The following GLIS3 variants were observed in gnomAD, a reference collection of about 807,000 sequenced individuals.
The protein encoded by GLIS3 is GLIS family zinc finger 3.
Under a neutral mutation model 78.6 loss-of-function variants are expected in GLIS3, and 53 were observed. The observed-to-expected ratio is 0.67, with a 90% CI of 0.54 to 0.85. The LOEUF (loss-of-function observed/expected upper bound fraction) is 0.85. GLIS3 is among the 40% of genes least tolerant of loss of function. GLIS3 has a pLI of 0.00. For synonymous variants in GLIS3, 684 were observed against 509.9 expected (o/e 1.34, Z -4.60); for missense variants, 1,703 against 1,231.1 (o/e 1.38, Z -5.74).
At chr9:4,356,860 T>C in the GLIS3 span, among the ~76,000 whole-genome samples, 1 of 152,170 alleles carries the variant, frequency 6.6e-6, no homozygotes, top group Non-Finnish European at 1.5e-5. Context: ...AGATTACACA[T>C]GTAAAAAGGT....
chr9:4,192,186 T>G (rs1417584964), intron 2 of GLIS3, among the ~76,000 whole-genome samples: 1 of 152,228 alleles, frequency 6.6e-6, no homozygotes, highest in Non-Finnish European at 1.5e-5. Context: ...TCTCTTTATC[T>G]CCCTGCTTTA....
chr9:4,024,076 A>G (rs1207482531), intron 4 of GLIS3, among the ~76,000 whole-genome samples: 1 of 152,094 alleles, frequency 6.6e-6, no homozygotes, highest in Non-Finnish European at 1.5e-5. Context: ...AGGTGGTTTG[A>G]GAGGCAGAGT....
intron 9 of GLIS3, among the ~76,000 whole-genome samples, chr9:3,851,613 G>C (rs1563775372): frequency 6.6e-6 from 1 of 152,100 alleles, no homozygotes; most frequent in South Asian, 2.1e-4. Context: ...AAAATATAGG[G>C]AGAGCACACA....
At chr9:4,297,847 C>G (rs557189890) in intron 1 of GLIS3, among the ~76,000 whole-genome samples, 2 of 152,114 alleles carry the variant, frequency 1.3e-5, no homozygotes, top group African/African-American at 2.4e-5. Flanking sequence ...GGGGGAGAGG[C>G]GCGTAGGACA....
the GLIS3 span, among the ~76,000 whole-genome samples, chr9:4,372,398 G>C: frequency 1.3e-5 from 2 of 151,888 alleles, no homozygotes; most frequent in Admixed American, 1.3e-4. Flanking sequence ...CCCCTCCCAT[G>C]GTTAGCTAAT....
intron 8 of GLIS3, among the ~76,000 whole-genome samples, chr9:3,860,546 C>T (rs7022793): frequency 1.8e-4 from 27 of 152,022 alleles, no homozygotes; most frequent in Non-Finnish European, 2.8e-4. Context: ...AACTGAGACA[C>T]GTAGACCCTG....
rs180693584 is a variant in GLIS3, at chr9:4,113,507, T to G, written c.1710+4261A>C. ...TATTGATACTTGGTATTATGATAAT[T>G]TATTCATTATTGCCAATATGAGGAT... On this transcript the variant is annotated intron_variant, in intron 4 of 10. Coordinates refer to ENST00000381971, the MANE Select transcript of GLIS3 (RefSeq NM_001042413.2). Among the ~76,000 whole-genome samples, 327 of 152,312 alleles carry G rather than the reference T, an allele frequency of 2.1e-3. 1 individual carries two copies. The highest frequency in any genetic ancestry group is 3.5e-3 in the Non-Finnish European group (235 of 68,022).
At chr9:4,055,678 T>G (rs1053706039) in intron 4 of GLIS3, among the ~76,000 whole-genome samples, 3 of 152,306 alleles carry the variant, frequency 2.0e-5, no homozygotes, top group Non-Finnish European at 4.4e-5. Context: ...GTTATCACTT[T>G]CAATGGCAGG....
In GLIS3 at chr9:4,118,452, G is replaced by A. The variant is rs372174215; in HGVS notation, c.1026C>T (p.Ser342=). 4.2e-5 allele frequency: 68 copies of A among 1,613,296 alleles called. No individual in the cohort carries two copies. The highest frequency in any genetic ancestry group is 5.6e-5 in the Non-Finnish European group (66 of 1,180,030). The change falls in exon 4 of 11, where the codon TCC becomes TCT. Residue 342 remains serine (S), a synonymous_variant. Transcript: ENST00000381971. The surrounding 1 kb of genome is among the most constrained non-coding windows in gnomAD (Gnocchi z 4.7). ...AATGCCCGTAGACCTCCGGCTGCGG[G>A]GACAGGTTGGCCGGCGAAGCCCTCG... ...NGSRASPANL[S]PQPEVYGHFL...
chr9:4,139,091 C>A (rs1564105410), intron 2 of GLIS3, among the ~76,000 whole-genome samples: 1 of 152,162 alleles, frequency 6.6e-6, no homozygotes, highest in Non-Finnish European at 1.5e-5. Flanking sequence ...CCCAACTTAT[C>A]TTATTAAGAA....
At chr9:4,435,921 C>T in the GLIS3 span, among the ~76,000 whole-genome samples, 6 of 152,144 alleles carry the variant, frequency 3.9e-5, no homozygotes, top group Non-Finnish European at 8.8e-5. Context: ...TGCACTCCAG[C>T]CTGGGTGACA....
chr9:4,368,092 C>T, the GLIS3 span, among the ~76,000 whole-genome samples: 5 of 152,196 alleles, frequency 3.3e-5, no homozygotes, highest in African/African-American at 7.2e-5. Flanking sequence ...TGTCAATGAA[C>T]GTATCACATG....
chr9:4,158,106 A>G (rs1835172566), intron 2 of GLIS3, among the ~76,000 whole-genome samples: 1 of 152,166 alleles, frequency 6.6e-6, no homozygotes, highest in African/African-American at 2.4e-5. Context: ...ATTTTCTTAC[A>G]GTAGAGGGGA....
chr9:4,487,978 C>G, the GLIS3 span, among the ~76,000 whole-genome samples: 1 of 152,172 alleles, frequency 6.6e-6, no homozygotes, highest in African/African-American at 2.4e-5. Context: ...AATTGTGAGC[C>G]AACACGCCCA....
In GLIS3 at chr9:3,824,462, G is replaced by T. The variant is rs1817619484; in HGVS notation, c.*3810C>A. ...CCGACAGGCTGAAGGAGGATTTTAG[G>T]CAGGAGGGCGTCTTCTCTATTTCCA... On this transcript the variant is annotated 3_prime_UTR_variant, in exon 11 of 11. Coordinates refer to ENST00000381971, the MANE Select transcript of GLIS3 (RefSeq NM_001042413.2). 6.6e-6 allele frequency: 1 copy of T among 152,324 alleles called. No homozygotes were observed. The highest frequency in any genetic ancestry group is 6.5e-5 in the Admixed American group (1 of 15,280). 9.4% of individuals were successfully genotyped at this position (152,324 alleles called of 1,614,324 possible). A position where few individuals can be genotyped will look rare whatever the true frequency, so the allele number is the denominator to read the frequency against.
intron 2 of GLIS3, among the ~76,000 whole-genome samples, chr9:4,241,300 C>T (rs1823286204): frequency 6.6e-6 from 1 of 152,052 alleles, no homozygotes; most frequent in Non-Finnish European, 1.5e-5. Flanking sequence ...TTTTGCAAGA[C>T]TTGTATTTTA....
the GLIS3 span, among the ~76,000 whole-genome samples, chr9:4,379,133 A>G: frequency 2.0e-5 from 3 of 152,114 alleles, no homozygotes. Flanking sequence ...AGGAAGGCGG[A>G]TATGTTGTCC....
intron 2 of GLIS3, among the ~76,000 whole-genome samples, chr9:4,204,645 C>A (rs1181924910): frequency 1.3e-5 from 2 of 152,112 alleles, no homozygotes; most frequent in Non-Finnish European, 2.9e-5. Context: ...AGGCCGGGCA[C>A]AGTGGCTCAC....
intron 2 of GLIS3, among the ~76,000 whole-genome samples, chr9:4,311,073 CT>C (rs1254441403): frequency 8.5e-5 from 13 of 152,202 alleles, no homozygotes; most frequent in Non-Finnish European, 1.8e-4. Context: ...GCCAGAGTGT[CT>C]TCGCAGGAGT....
Sources: allele counts gnomAD v4.1 joint callset (sites outside exome capture counted in the v4.1 genomes callset), GRCh38; gene constraint gnomAD v4.1.1; non-coding constraint Gnocchi (gnomAD v3.1); transcripts MANE v1.5; gene names NCBI Gene and HGNC (gene_info 2026-07-23, HGNC 2026-07-21).